The following CSMD2 variants were observed in gnomAD, a reference collection of about 807,000 sequenced individuals.
CSMD2 encodes CUB and Sushi multiple domains 2.
A neutral mutation model predicts 398.5 loss-of-function variants in CSMD2; 130 were observed. The ratio of observed to expected loss-of-function variants is 0.33; its 90% CI spans 0.28 to 0.38. CSMD2 has a LOEUF of 0.38. CSMD2 is among the 10% of genes least tolerant of loss of function. The probability of loss-of-function intolerance (pLI) is 1.00; values close to 1 mark genes in which losing one functional copy is unlikely to be tolerated. For missense variants in CSMD2, 3,829 were observed against 4,764.9 expected, an observed-to-expected ratio of 0.80 and a Z score of 5.78; for synonymous variants, 1,828 against 1,908.5, an observed-to-expected ratio of 0.96 and a Z score of 1.10.
At chr1:33,527,458 G>T (rs1413301152) in intron 64 of CSMD2, among the ~76,000 whole-genome samples, 200 bp from the exon 65 acceptor site, 3 of 152,086 alleles carry the variant, frequency 2.0e-5, no homozygotes, top group Non-Finnish European at 2.9e-5. Context: ...AAAATACAAA[G>T]AATTACAGAG....
chr1:33,760,683 ACT>A (rs1490787233), intron 13 of CSMD2, among the ~76,000 whole-genome samples: 1 of 152,140 alleles, frequency 6.6e-6, no homozygotes, highest in Non-Finnish European at 1.5e-5. Context: ...TGTTGTGAAG[ACT>A]CAACGCAATG....
intron 3 of CSMD2, among the ~76,000 whole-genome samples, chr1:33,977,259 T>C (rs1304409730): frequency 6.6e-6 from 1 of 151,934 alleles, no homozygotes; most frequent in Non-Finnish European, 1.5e-5. Context: ...GCCCAGTGAA[T>C]GTTGGTGGTG....
At chr1:33,758,664 T>C (rs1299189150) in intron 13 of CSMD2, among the ~76,000 whole-genome samples, 1 of 152,228 alleles carries the variant, frequency 6.6e-6, no homozygotes, top group African/African-American at 2.4e-5. Context: ...TTCACAATCA[T>C]TTGTTCTCTC....
At chr1:34,069,208 T>C (rs1486291264) in intron 2 of CSMD2, among the ~76,000 whole-genome samples, 2 of 152,192 alleles carry the variant, frequency 1.3e-5, no homozygotes, top group African/African-American at 2.4e-5. Flanking sequence ...GGCCTAAATA[T>C]ACAGGGTATT....
chr1:33,739,091 A>G, intron 15 of CSMD2, 49 bp downstream of exon 15: 1 of 1,565,254 alleles, frequency 6.4e-7, no homozygotes, highest in South Asian at 1.2e-5. Flanking sequence ...CCCCCTCCCC[A>G]GCCTCTCTGG....
intron 3 of CSMD2, among the ~76,000 whole-genome samples, chr1:33,996,821 A>G (rs1646741673): frequency 6.6e-6 from 1 of 152,080 alleles, no homozygotes; most frequent in Non-Finnish European, 1.5e-5. Flanking sequence ...GAGAGGGGAA[A>G]GCAGAGAGAA....
intron 3 of CSMD2, among the ~76,000 whole-genome samples, chr1:34,028,125 C>T (rs1180709266): frequency 6.6e-6 from 1 of 152,086 alleles, no homozygotes; most frequent in African/African-American, 2.4e-5. Flanking sequence ...TCGAGACCAG[C>T]CTGGGAAACA....
intron 25 of CSMD2, among the ~76,000 whole-genome samples, chr1:33,668,046 G>A (rs1209732626): frequency 1.3e-5 from 2 of 152,176 alleles, no homozygotes; most frequent in African/African-American, 4.8e-5. Context: ...AGTGGCCGGA[G>A]AAGACCTTCT....
At chr1:33,692,513 A>G (rs1425877121) in intron 25 of CSMD2, among the ~76,000 whole-genome samples, 2 of 152,234 alleles carry the variant, frequency 1.3e-5, no homozygotes, top group Non-Finnish European at 2.9e-5. Flanking sequence ...CAAATACTAT[A>G]CTGAGCATAT....
At chr1:33,682,146 G>A (rs151315512) in intron 25 of CSMD2, among the ~76,000 whole-genome samples, 2 of 152,120 alleles carry the variant, frequency 1.3e-5, no homozygotes, top group Admixed American at 6.5e-5. Context: ...GCTGGCATTC[G>A]TTGGCTTATG....
chr1:34,110,079 C>G (rs950005093), intron 1 of CSMD2, among the ~76,000 whole-genome samples: 1 of 129,208 alleles, frequency 7.7e-6, no homozygotes, highest in Non-Finnish European at 1.7e-5. Flanking sequence ...ATGAGACTAA[C>G]AAGCATATAA....
In CSMD2 at chr1:33,781,926, C is replaced by T. The variant is rs143325020; in HGVS notation, c.1663+6674G>A. Among the ~76,000 whole-genome samples the T allele has an allele frequency of 4.1e-3, 615 of 150,632 alleles. 9 individuals carry two copies. The highest frequency in any genetic ancestry group is 0.014 in the African/African-American group (585 of 40,846). ...TGACCTGGGATTGTGACAAGCAGAACTGGAGGGATTTCTGGGAAGCAAATG... is the reference window on the plus strand; with the variant it reads ...TGACCTGGGATTGTGACAAGCAGAATTGGAGGGATTTCTGGGAAGCAAATG... On this transcript the variant is annotated intron_variant, in intron 12 of 70. Coordinates refer to ENST00000373381, the MANE Select transcript of CSMD2 (RefSeq NM_001281956.2).
chr1:33,955,467 T>C (rs1197024608), intron 3 of CSMD2, among the ~76,000 whole-genome samples: 1 of 152,276 alleles, frequency 6.6e-6, no homozygotes, highest in African/African-American at 2.4e-5. Flanking sequence ...TTATACCTTC[T>C]TAATTAGTTT....
chr1:33,937,983 G>A (rs753792187), intron 3 of CSMD2, among the ~76,000 whole-genome samples: 2 of 152,258 alleles, frequency 1.3e-5, no homozygotes, highest in African/African-American at 2.4e-5. Flanking sequence ...AGGGACATAT[G>A]TGCATGTTCA....
intron 55 of CSMD2, among the ~76,000 whole-genome samples, chr1:33,557,111 A>G (rs1402250091): frequency 6.6e-6 from 1 of 152,224 alleles, no homozygotes; most frequent in Non-Finnish European, 1.5e-5. Flanking sequence ...TTTATTGAGT[A>G]GCTACTATGT....
chr1:33,864,488 C>A (rs773993387), intron 5 of CSMD2: 1 of 1,613,510 alleles, frequency 6.2e-7, no homozygotes, highest in African/African-American at 1.3e-5. Flanking sequence ...CTCCATCATC[C>A]TTCCTACTCT....
At chr1:33,864,986 A>AGGGAGAGAAGGGGGACGAG (rs1639908740) in intron 5 of CSMD2, among the ~76,000 whole-genome samples, 1 of 94,382 alleles carries the variant, frequency 1.1e-5, no homozygotes, top group Non-Finnish European at 2.2e-5. Context: ...AGGGGAATGG[A>AGGGAGAGAAGGGGGACGAG]GGGGAGGGAA....
chr1:33,965,994 T>G (rs1645543517), intron 3 of CSMD2, among the ~76,000 whole-genome samples: 1 of 152,104 alleles, frequency 6.6e-6, no homozygotes, highest in Admixed American at 6.5e-5. Context: ...AGGGAATAAG[T>G]CCAGTGGCCA....
Position 33,724,643 on chromosome 1 carries a change from A to C in CSMD2, c.2757T>G (p.His919Gln). The change falls in exon 18 of 71, where the codon CAT becomes CAG. Residue 919 changes from histidine to glutamine, a missense_variant. Around this residue, in one of 5 missense-constraint regions of CSMD2, gnomAD observed 2,001 missense variants for 2,567.1 expected, o/e 0.78. Transcript: ENST00000373381. ...GCGCGCCCACGTAGAAGTCATTCCCATGACGCTGTCCATTTACTGGGATTC... is the reference window on the plus strand; with the variant it reads ...GCGCGCCCACGTAGAAGTCATTCCCCTGACGCTGTCCATTTACTGGGATTC... Reference protein sequence around the residue: ...DPGIPVNGQRHGNDFYVGALV... With the variant: ...DPGIPVNGQRQGNDFYVGALV... 5 of 1,614,180 alleles carry C rather than the reference A, an allele frequency of 3.1e-6. No individual in the cohort carries two copies. Among genetic ancestry groups the C allele is most frequent in the Non-Finnish European group, 4.2e-6 (5 of 1,180,034 alleles).
Sources: gnomAD v4.1 joint callset for allele counts (sites outside exome capture counted in the v4.1 genomes callset) on GRCh38, gnomAD v4.1.1 for gene constraint, gnomAD v4.1.1 regional missense constraint, MANE v1.5 for transcripts, NCBI Gene and HGNC (gene_info 2026-07-23, HGNC 2026-07-21) for gene names.